The following TRERF1 variants were observed in gnomAD, a reference collection of about 807,000 sequenced individuals.
TRERF1 encodes transcriptional-regulating factor 1.
A neutral mutation model predicts 122.9 loss-of-function variants in TRERF1; 27 were observed. That is an observed-to-expected ratio of 0.22 (90% CI 0.16 to 0.30). TRERF1 has a LOEUF of 0.30. TRERF1 is among the 10% of genes least tolerant of loss of function. The pLI, the probability that TRERF1 is intolerant of heterozygous loss-of-function variation, is 1.00. For synonymous variants in TRERF1, 636 were observed against 641.7 expected (o/e 0.99, Z 0.13); for missense variants, 1,248 against 1,560.3 (o/e 0.80, Z 3.37).
At chr6:42,308,975 C>G (rs1416370070) in intron 3 of TRERF1, among the ~76,000 whole-genome samples, 1 of 151,720 alleles carries the variant, frequency 6.6e-6, no homozygotes, top group East Asian at 1.9e-4. Context: ...AAAAAATGAC[C>G]GATGGTTAAT....
intron 2 of TRERF1, among the ~76,000 whole-genome samples, chr6:42,418,606 G>A (rs1782280153): frequency 6.6e-6 from 1 of 152,066 alleles, no homozygotes; most frequent in Non-Finnish European, 1.5e-5. Flanking sequence ...AGGTGATGCT[G>A]CTGGTGCAGG....
intron 4 of TRERF1, among the ~76,000 whole-genome samples, chr6:42,277,727 C>T (rs1178476065): frequency 1.3e-5 from 2 of 151,958 alleles, no homozygotes; most frequent in Non-Finnish European, 2.9e-5. Flanking sequence ...CCTGTAGTCC[C>T]AGCTACTTGG....
chr6:42,377,978 G>A (rs1775209304), intron 2 of TRERF1, among the ~76,000 whole-genome samples: 1 of 152,122 alleles, frequency 6.6e-6, no homozygotes, highest in Non-Finnish European at 1.5e-5. Flanking sequence ...TTAATCAAGA[G>A]GCCTCACATT....
At chr6:42,342,252 T>C (rs76819789) in intron 3 of TRERF1, among the ~76,000 whole-genome samples, 1,654 of 152,284 alleles carry the variant, frequency 0.011, 27 homozygotes, top group African/African-American at 0.037. Context: ...TGGGATTGTC[T>C]TGGTTTTAAA....
intron 2 of TRERF1, among the ~76,000 whole-genome samples, chr6:42,396,764 CTG>C (rs1045403018): frequency 2.0e-5 from 3 of 152,222 alleles, no homozygotes; most frequent in Admixed American, 2.0e-4. Flanking sequence ...AACCCACAAA[CTG>C]TTTTCCTCAG....
chr6:42,372,628 A>G (rs1226161220), intron 2 of TRERF1, among the ~76,000 whole-genome samples: 1 of 152,180 alleles, frequency 6.6e-6, no homozygotes, highest in African/African-American at 2.4e-5. Flanking sequence ...GACTTTGGAG[A>G]TGCGCACACT....
At chr6:42,306,292 A>AG (rs1311548369) in intron 3 of TRERF1, among the ~76,000 whole-genome samples, 1 of 151,952 alleles carries the variant, frequency 6.6e-6, no homozygotes, top group African/African-American at 2.4e-5. Context: ...GTGAGCCACC[A>AG]CGCCCGGCCA....
rs570666079 is a variant in TRERF1 at position 42,422,456 on chromosome 6, T to C, written c.-454+28721A>G. Among the ~76,000 whole-genome samples the C allele has an allele frequency of 6.1e-4, 88 of 144,392 alleles. 1 individual carries two copies. Among genetic ancestry groups the C allele is most frequent in the African/African-American group, 2.2e-3 (84 of 38,476 alleles). The allele number at this position is 144,392 out of a possible 152,430, so 94.7% of individuals were successfully genotyped here. A position where few individuals can be genotyped will look rare whatever the true frequency, so the allele number is the denominator to read the frequency against. ...TCACTTGTGCCCAGGAGGCGAAGGT[T>C]GCAGTGAGCCGAGATCGTGCCTGGG... On this transcript the variant is annotated intron_variant, in intron 2 of 17. Transcript: ENST00000372922.
intron 2 of TRERF1, among the ~76,000 whole-genome samples, chr6:42,411,311 G>A (rs1781060164): frequency 6.6e-6 from 1 of 152,168 alleles, no homozygotes; most frequent in South Asian, 2.1e-4. Context: ...TGAGGTCCGG[G>A]AGGGTTAAGT....
Position 42,232,727 on chromosome 6 carries a change from C to T in TRERF1, c.3232G>A (p.Gly1078Ser), listed in dbSNP as rs200582061. 3.2e-5 allele frequency: 52 copies of T among 1,608,892 alleles called. No homozygotes were observed. Among genetic ancestry groups the T allele is most frequent in the Admixed American group, 1.8e-4 (11 of 59,888 alleles). The change falls in exon 17 of 18, where the codon GGC becomes AGC. Residue 1078 changes from glycine to serine, a missense_variant. By Grantham distance (56) the Gly-to-Ser change is moderately conservative. Coordinates refer to ENST00000372922, the Ensembl canonical transcript of TRERF1. This position sits in a 1 kb window ranked among gnomAD's most constrained non-coding sequence, Gnocchi z 4.5. ...AAGATGGTGGTGGGGTCTGTCTCGC[C>T]GCTGGTGGTGCTGTGAGAGGGTGAG... is the stretch of plus-strand genomic sequence containing the variant.
chr6:42,447,246 C>T (rs1562229482), intron 2 of TRERF1, among the ~76,000 whole-genome samples: 1 of 152,196 alleles, frequency 6.6e-6, no homozygotes, highest in South Asian at 2.1e-4. Flanking sequence ...CAAGCAGCTA[C>T]TCTGAGAACT....
At position 42,406,357 on chromosome 6, in the gene TRERF1, G is replaced by A. The variant is rs140018182; in HGVS notation, c.-453-43278C>T. Among the ~76,000 whole-genome samples the A allele has an allele frequency of 2.0e-5, 3 of 152,218 alleles. No individual in the cohort carries two copies. The East Asian group carries it at 5.8e-4, about 29-fold the overall frequency. Reference sequence around the variant, plus strand: ...CTTCTGCCCCTCTCCTCACTCCACGGAAGAAGATGAACTCTGGCCAGTGCC... The same window carrying A: ...CTTCTGCCCCTCTCCTCACTCCACGAAAGAAGATGAACTCTGGCCAGTGCC... On this transcript the variant is annotated intron_variant, in intron 2 of 17. Transcript: ENST00000372922.
intron 2 of TRERF1, among the ~76,000 whole-genome samples, chr6:42,426,941 T>C (rs1208247584): frequency 6.6e-6 from 1 of 152,164 alleles, no homozygotes; most frequent in East Asian, 1.9e-4. Flanking sequence ...TAAAACCTTA[T>C]ATCAAATTAT....
At chr6:42,280,135 C>G (rs1054243713) in intron 4 of TRERF1, among the ~76,000 whole-genome samples, 3 of 152,144 alleles carry the variant, frequency 2.0e-5, no homozygotes, top group African/African-American at 4.8e-5. Flanking sequence ...GAGCTACATA[C>G]TGGGCAATGC....
chr6:42,397,848 C>T (rs1247954394), intron 2 of TRERF1, among the ~76,000 whole-genome samples: 1 of 152,120 alleles, frequency 6.6e-6, no homozygotes, highest in Non-Finnish European at 1.5e-5. Context: ...CAGCCAAAGA[C>T]CAACATTACA....
chr6:42,294,531 T>TATAATGAA (rs1784792867), intron 4 of TRERF1, among the ~76,000 whole-genome samples: 1 of 152,110 alleles, frequency 6.6e-6, no homozygotes, highest in Admixed American at 6.5e-5. Flanking sequence ...GGTATAATAA[T>TATAATGAA]ATAATGAAAT....
chr6:42,396,372 C>T (rs1778583634), intron 2 of TRERF1, among the ~76,000 whole-genome samples: 1 of 151,918 alleles, frequency 6.6e-6, no homozygotes, highest in African/African-American at 2.4e-5. Flanking sequence ...GCCCAGAATG[C>T]CCCACCCTCC....
chr6:42,321,160 A>G (rs909178733), intron 3 of TRERF1, among the ~76,000 whole-genome samples: 18 of 152,032 alleles, frequency 1.2e-4, no homozygotes, highest in Admixed American at 9.8e-4. Flanking sequence ...GCCAAAAAAA[A>G]AAAAAAAGGC....
In TRERF1 at chr6:42,269,664, G is replaced by A. The variant is rs1482527651; in HGVS notation, c.-74C>T. The A allele has an allele frequency of 2.6e-6, 4 of 1,518,928 alleles. No individual in the cohort carries two copies. The Admixed American group carries it at 8.4e-5, about 32-fold the overall frequency. 94.1% of individuals were successfully genotyped at this position (1,518,928 alleles called of 1,614,324 possible). ...TAAATAAAACAAACCCAAAAGGACTGAAACCCTGAGAAGCTGAGAGAAAAG... is the reference window on the plus strand; with the variant it reads ...TAAATAAAACAAACCCAAAAGGACTAAAACCCTGAGAAGCTGAGAGAAAAG... On this transcript the variant is annotated 5_prime_UTR_variant, in exon 5 of 18. Coordinates refer to ENST00000372922, the Ensembl canonical transcript of TRERF1. This position sits in a 1 kb window ranked among gnomAD's most constrained non-coding sequence, Gnocchi z 4.9.
Sources: allele counts gnomAD v4.1 joint callset (sites outside exome capture counted in the v4.1 genomes callset), GRCh38; gene constraint gnomAD v4.1.1; non-coding constraint Gnocchi (gnomAD v3.1); transcripts MANE v1.5; gene names NCBI Gene and HGNC (gene_info 2026-07-23, HGNC 2026-07-21).